The following SMIM14 variants were observed in gnomAD, a reference collection of about 807,000 sequenced individuals.
The protein encoded by SMIM14 is chromosome 4 open reading frame 34.
In SMIM14, 5 loss-of-function variants were observed where a neutral mutation model predicts 12.6. That is an observed-to-expected ratio of 0.40 (90% confidence interval 0.21 to 0.83). The LOEUF (loss-of-function observed/expected upper bound fraction) is 0.83, where lower values mean the gene tolerates loss of function less well. SMIM14 is among the 40% of genes least tolerant of loss of function. The pLI is 0.37. For synonymous variants in SMIM14, 30 were observed against 40.1 expected (o/e 0.75, Z 0.95); for missense variants, 86 against 119.1 (o/e 0.72, Z 1.29).
At chr4:39,619,876 A>ATATATTTTTTT (rs71192884) in intron 1 of SMIM14, among the ~76,000 whole-genome samples, 15 of 115,864 alleles carry the variant, frequency 1.3e-4, no homozygotes, top group African/African-American at 4.8e-4. Flanking sequence ...ATATATATAT[A>ATATATTTTTTT]TTTTTTTTTT....
intron 1 of SMIM14, among the ~76,000 whole-genome samples, chr4:39,637,601 A>G: frequency 7.0e-6 from 1 of 141,900 alleles, no homozygotes; most frequent in East Asian, 2.0e-4. Context: ...CCACGTTGGA[A>G]AAAAAAAAAA....
intron 1 of SMIM14, among the ~76,000 whole-genome samples, chr4:39,618,562 C>T (rs558360755): frequency 2.1e-5 from 3 of 144,672 alleles, no homozygotes; most frequent in Admixed American, 7.5e-5. Flanking sequence ...GAGGCAGAGA[C>T]TTGCTTGAAC....
rs555743189 is a variant in SMIM14, at chr4:39,582,887, C to T, written c.76-10424G>A. On this transcript the variant is annotated intron_variant, in intron 2 of 4. Coordinates refer to ENST00000295958, the MANE Select transcript of SMIM14 (RefSeq NM_174921.3). The stretch of plus-strand genomic sequence containing the variant: ...TCAGCTCACCACAACCTCCGCCTCC[C>T]GGGTCCAAAATTCTCGTGCCTCAGC... Among the ~76,000 whole-genome samples, 41 of 152,008 alleles carry T rather than the reference C, an allele frequency of 2.7e-4. No homozygotes were observed. In the East Asian group the frequency reaches 3.1e-3, roughly 11 times the overall value.
intron 3 of SMIM14, among the ~76,000 whole-genome samples, chr4:39,563,815 T>C (rs1276574735): frequency 2.0e-5 from 3 of 152,218 alleles, no homozygotes; most frequent in East Asian, 1.9e-4. Context: ...GCTGTTTGAC[T>C]GTACCACCTC....
Position 39,546,626 on chromosome 4 carries a change from T to C in SMIM14, c.*5500A>G, listed in dbSNP as rs1302200769. The C allele has an allele frequency of 6.6e-6, 1 of 152,236 alleles. No individual in the cohort carries two copies. Among genetic ancestry groups the C allele is most frequent in the African/African-American group, 2.4e-5 (1 of 41,466 alleles). The allele number at this position is 152,236 out of a possible 1,614,324, so 9.4% of individuals were successfully genotyped here. A position where few individuals can be genotyped will look rare whatever the true frequency, so the allele number is the denominator to read the frequency against. ...TTCCATTTTCTGAGAAGAAAACTAG[T>C]ATTGCAGCAGAGTCATTTAATGAAA... On this transcript the variant is annotated 3_prime_UTR_variant, in exon 5 of 5. Coordinates refer to ENST00000295958, the MANE Select transcript of SMIM14 (RefSeq NM_174921.3).
intron 2 of SMIM14, chr4:39,594,538 C>T (rs1278389424): frequency 6.8e-6 from 1 of 147,760 alleles, no homozygotes; most frequent in South Asian, 2.2e-4. Context: ...GCAACAAAAG[C>T]CAAAATTGAC....
intron 1 of SMIM14, among the ~76,000 whole-genome samples, chr4:39,625,482 C>A (rs1033954733): frequency 6.6e-6 from 1 of 151,788 alleles, no homozygotes; most frequent in African/African-American, 2.4e-5. Context: ...TGCTCTGTTG[C>A]CCAGGCTGGA....
At chr4:39,585,978 C>T (rs1469007754) in intron 2 of SMIM14, among the ~76,000 whole-genome samples, 2 of 152,106 alleles carry the variant, frequency 1.3e-5, no homozygotes, top group African/African-American at 4.8e-5. Context: ...AATAGCTCTA[C>T]GGTCTTGTCC....
intron 1 of SMIM14, among the ~76,000 whole-genome samples, chr4:39,628,242 C>G (rs544488303): frequency 6.7e-6 from 1 of 149,006 alleles, no homozygotes; most frequent in Non-Finnish European, 1.5e-5. Context: ...GGGAGGCAGA[C>G]GTTGCAGTGA....
At chr4:39,566,356 G>C (rs956053161) in intron 3 of SMIM14, among the ~76,000 whole-genome samples, 1 of 152,064 alleles carries the variant, frequency 6.6e-6, no homozygotes, top group Non-Finnish European at 1.5e-5. Context: ...AGACATCCCA[G>C]TGGAAATGCC....
intron 1 of SMIM14, among the ~76,000 whole-genome samples, chr4:39,628,880 G>A (rs1277699101): frequency 1.3e-5 from 2 of 150,666 alleles, no homozygotes. Flanking sequence ...TTACAGGTGC[G>A]TGCCATCACA....
chr4:39,572,476 A>C lies in SMIM14; in HGVS notation c.76-13T>G. ...GGGACTGCCGTAACTACAATGAATA[A>C]GAAAGGGAAGTTAGTGATTAGACTT... is the stretch of plus-strand genomic sequence containing the variant. On this transcript the variant is annotated splice_polypyrimidine_tract_variant and intron_variant, in intron 2 of 4. Transcript: ENST00000295958. 1 of 1,603,888 alleles carries C rather than the reference A, an allele frequency of 6.2e-7. No homozygotes were observed. Among genetic ancestry groups the C allele is most frequent in the South Asian group, 1.1e-5 (1 of 90,506 alleles).
intron 1 of SMIM14, among the ~76,000 whole-genome samples, chr4:39,626,305 G>C (rs538970133): frequency 6.6e-6 from 1 of 152,188 alleles, no homozygotes; most frequent in East Asian, 1.9e-4. Flanking sequence ...AGTATACCAA[G>C]TCTTCATTTA....
chr4:39,567,421 T>G (rs1187809237), intron 3 of SMIM14, among the ~76,000 whole-genome samples: 1 of 151,688 alleles, frequency 6.6e-6, no homozygotes, highest in Non-Finnish European at 1.5e-5. Context: ...CTGGGCAACA[T>G]GCAAAACCCT....
intron 1 of SMIM14, among the ~76,000 whole-genome samples, chr4:39,627,858 A>C (rs1222744055): frequency 6.6e-6 from 1 of 152,236 alleles, no homozygotes; most frequent in Non-Finnish European, 1.5e-5. Flanking sequence ...CTGATCATAA[A>C]GAGTCAAACA....
intron 2 of SMIM14, among the ~76,000 whole-genome samples, chr4:39,582,892 C>T (rs10003596): frequency 0.2 from 30,961 of 151,766 alleles, 3,820 homozygotes; most frequent in South Asian, 0.32. Flanking sequence ...CCTCCCGGGT[C>T]CAAAATTCTC....
At chr4:39,585,939 C>T (rs1578334555) in intron 2 of SMIM14, among the ~76,000 whole-genome samples, 1 of 152,044 alleles carries the variant, frequency 6.6e-6, no homozygotes, top group South Asian at 2.1e-4. Flanking sequence ...TCTTCCCTTG[C>T]CTTGAAGAAT....
intron 3 of SMIM14, among the ~76,000 whole-genome samples, chr4:39,561,437 C>CT (rs1343761641): frequency 1.3e-5 from 2 of 151,896 alleles, no homozygotes; most frequent in Admixed American, 1.3e-4. Flanking sequence ...TGCTGAACTT[C>CT]TGGCCTCATG....
At chr4:39,571,673 C>T (rs1013148203) in intron 3 of SMIM14, among the ~76,000 whole-genome samples, 1 of 152,132 alleles carries the variant, frequency 6.6e-6, no homozygotes, top group Non-Finnish European at 1.5e-5. Flanking sequence ...GAATGGTTTG[C>T]GCAAGCAGCT....
Sources: gnomAD v4.1 joint callset for allele counts (sites outside exome capture counted in the v4.1 genomes callset) on GRCh38, gnomAD v4.1.1 for gene constraint, MANE v1.5 for transcripts, NCBI Gene and HGNC (gene_info 2026-07-23, HGNC 2026-07-21) for gene names.